DNMBP: variants seen among roughly 807,000 people sequenced by gnomAD.
The protein encoded by DNMBP is dynamin binding protein.
In DNMBP, 87 loss-of-function variants were observed where a neutral mutation model predicts 150.0. That is an observed-to-expected ratio of 0.58 (90% CI 0.49 to 0.69). The LOEUF is 0.69. Ranked by LOEUF, DNMBP falls within the 30% of genes least tolerant of loss-of-function variation. The probability of loss-of-function intolerance (pLI) is 0.00; values close to 1 mark genes in which losing one functional copy is unlikely to be tolerated. For synonymous variants in DNMBP, 711 were observed against 750.4 expected (o/e 0.95, Z 0.86); for missense variants, 1,774 against 1,949.0 (o/e 0.91, Z 1.69).
At chr10:99,893,041 A>G (rs1039303422) in intron 11 of DNMBP, among the ~76,000 whole-genome samples, 5 of 152,250 alleles carry the variant, frequency 3.3e-5, no homozygotes, top group African/African-American at 1.2e-4. Context: ...ATAATGATAT[A>G]GACATATAAG....
intron 4 of DNMBP, among the ~76,000 whole-genome samples, chr10:99,916,021 G>C (rs1167305106): frequency 6.6e-6 from 1 of 152,194 alleles, no homozygotes; most frequent in African/African-American, 2.4e-5. Context: ...GTAGCTAATA[G>C]CAAAGTGGTG....
At chr10:99,986,883 C>T (rs1200421349) in intron 1 of DNMBP, among the ~76,000 whole-genome samples, 2 of 152,052 alleles carry the variant, frequency 1.3e-5, no homozygotes, top group Non-Finnish European at 2.9e-5. Context: ...AGGCCGGGCA[C>T]GTGGCTCACA....
At chr10:99,991,226 G>A (rs950752991) in intron 1 of DNMBP, among the ~76,000 whole-genome samples, 6 of 151,846 alleles carry the variant, frequency 4.0e-5, no homozygotes, top group Admixed American at 1.3e-4. Context: ...CTACAGGCAC[G>A]TGCCACCATG....
At chr10:99,880,401 A>G in intron 15 of DNMBP, 40 bp from the exon 16 acceptor site, 1 of 1,504,360 alleles carries the variant, frequency 6.6e-7, no homozygotes, top group East Asian at 2.3e-5. Context: ...AACTCTTAGC[A>G]GAAGGCTGGA....
At chr10:99,905,204 A>G (rs4348829) in intron 6 of DNMBP, among the ~76,000 whole-genome samples, 13,582 of 152,188 alleles carry the variant, frequency 0.089, 1,079 homozygotes, top group African/African-American at 0.21. Context: ...CAATGTGTGT[A>G]TCTCCTTCCT....
chr10:99,915,434 C>A (rs921377617), intron 4 of DNMBP, among the ~76,000 whole-genome samples: 1 of 151,408 alleles, frequency 6.6e-6, no homozygotes, highest in African/African-American at 2.4e-5. Context: ...TGGCTGAGCA[C>A]AGTGGCTCAT....
Position 99,900,070 on chromosome 10 carries a change from T to C in DNMBP, c.2555-4A>G, listed in dbSNP as rs1201440790. On this transcript the variant is annotated splice_region_variant and splice_polypyrimidine_tract_variant and intron_variant, in intron 6 of 16. Transcript: ENST00000324109. ...CGGTGACCAAGAAACACAGGTCCTT[T>C]GGAATACACACAAACATACAGTGTT... is the stretch of plus-strand genomic sequence containing the variant. 6.2e-6 allele frequency: 10 copies of C among 1,613,990 alleles called. No homozygotes were observed. The South Asian group carries it at 8.8e-5, about 14-fold the overall frequency.
intron 4 of DNMBP, among the ~76,000 whole-genome samples, chr10:99,938,412 G>C (rs2040256862): frequency 2.0e-5 from 3 of 152,122 alleles, no homozygotes. Flanking sequence ...GGGTGTGGTG[G>C]CAGGATCTGT....
chr10:99,907,889 C>A, intron 6 of DNMBP, 106 bp downstream of exon 6: 1 of 759,360 alleles, frequency 1.3e-6, no homozygotes, highest in Admixed American at 2.4e-5. Flanking sequence ...GTACCTACAC[C>A]TGTATCTTCC....
At chr10:99,891,859 GC>G (rs1341480215) in intron 11 of DNMBP, among the ~76,000 whole-genome samples, 1 of 151,394 alleles carries the variant, frequency 6.6e-6, no homozygotes. Flanking sequence ...CCTCTGCCCG[GC>G]CACGACCCCG....
At chr10:99,900,109 C>A in intron 6 of DNMBP, 43 bp from the exon 7 acceptor site, 2 of 1,609,370 alleles carry the variant, frequency 1.2e-6, no homozygotes, top group Non-Finnish European at 8.5e-7. Context: ...AGTAAACTTT[C>A]TTCTCAGTAT....
At position 99,896,633 on chromosome 10, in the gene DNMBP, G is replaced by A. The variant is rs114282678; in HGVS notation, c.2921-236C>T. Among the ~76,000 whole-genome samples, 1,505 of 152,308 alleles carry A rather than the reference G, an allele frequency of 9.9e-3. 24 individuals are homozygous for A. The highest frequency in any genetic ancestry group is 0.034 in the African/African-American group (1,428 of 41,552). The stretch of plus-strand genomic sequence containing the variant: ...AGGAAAACAGCAGAGGGTGTTAAGG[G>A]AAAGAACTTAAGGAAATCTGAAGTC... On this transcript the variant is annotated intron_variant, in intron 9 of 16. Transcript: ENST00000324109.
chr10:99,933,433 G>T (rs1214190848), intron 4 of DNMBP, among the ~76,000 whole-genome samples: 1 of 152,162 alleles, frequency 6.6e-6, no homozygotes, highest in African/African-American at 2.4e-5. Context: ...CAATAAAATA[G>T]CAATCCATCA....
At chr10:99,979,660 T>C (rs549529845) in intron 1 of DNMBP, among the ~76,000 whole-genome samples, 1 of 152,312 alleles carries the variant, frequency 6.6e-6, no homozygotes, top group African/African-American at 2.4e-5. Flanking sequence ...CTATAAACCA[T>C]ATTTCCTTCT....
chr10:99,925,473 T>G (rs2040068889), intron 4 of DNMBP, among the ~76,000 whole-genome samples: 1 of 152,188 alleles, frequency 6.6e-6, no homozygotes, highest in Admixed American at 6.5e-5. Flanking sequence ...TGGAGTGCAG[T>G]GGCACAATCT....
intron 1 of DNMBP, among the ~76,000 whole-genome samples, chr10:99,994,882 C>T (rs1010622889): frequency 6.6e-6 from 1 of 152,038 alleles, no homozygotes; most frequent in African/African-American, 2.4e-5. Context: ...TGCCTTTGTC[C>T]TATTTTCCAC....
chr10:99,899,209 T>A lies in DNMBP; in HGVS notation c.2703-449A>T, dbSNP rs11190309. 4.3e-3 allele frequency among the ~76,000 whole-genome samples: 659 copies of A among 151,702 alleles called. 7 individuals carry two copies. The highest frequency in any genetic ancestry group is 0.015 in the African/African-American group (618 of 41,386). Reference sequence around the variant, plus strand: ...GTCTCTCCAAAAAATAAAAAAATAATAAAAAATAAAAAAGTTAGCCCCTAA... The same window carrying A: ...GTCTCTCCAAAAAATAAAAAAATAAAAAAAAATAAAAAAGTTAGCCCCTAA... On this transcript the variant is annotated intron_variant, in intron 7 of 16. Coordinates refer to ENST00000324109, the MANE Select transcript of DNMBP (RefSeq NM_015221.4).
chr10:99,895,233 TCTCCTGCGTCAGC>T (rs2039635622), intron 10 of DNMBP, among the ~76,000 whole-genome samples, 183 bp from the exon 11 acceptor site: 1 of 151,546 alleles, frequency 6.6e-6, no homozygotes, highest in Non-Finnish European at 1.5e-5. Flanking sequence ...TTCAAGCAAT[TCTCCTGCGTCAGC>T]CTCTCGCATA....
intron 4 of DNMBP, chr10:99,929,748 A>T (rs1368207537): frequency 1.4e-6 from 1 of 702,930 alleles, no homozygotes; most frequent in Non-Finnish European, 2.6e-6. Context: ...GTTCTTCTCT[A>T]ATGACGAGCT....
Sources: allele counts gnomAD v4.1 joint callset (sites outside exome capture counted in the v4.1 genomes callset), GRCh38; gene constraint gnomAD v4.1.1; transcripts MANE v1.5; gene names NCBI Gene and HGNC (gene_info 2026-07-23, HGNC 2026-07-21).